Variants in FAM53A observed in about 807,000 individuals in gnomAD.
FAM53A encodes family with sequence similarity 53 member A.
FAM53A carries 28 observed loss-of-function variants against 26.6 expected under a neutral mutation model. The observed-to-expected ratio is 1.05, with a 90% CI of 0.78 to 1.45. FAM53A has a LOEUF of 1.45. Ranked by LOEUF, FAM53A falls within the 40% of genes most tolerant of loss-of-function variation. The pLI is 0.00. For missense variants in FAM53A, 650 were observed against 575.8 expected (o/e 1.13, Z -1.32); for synonymous variants, 290 against 253.1 (o/e 1.15, Z -1.38).
intron 4 of FAM53A, among the ~76,000 whole-genome samples, chr4:1,649,343 A>G (rs775164355): frequency 1.3e-5 from 2 of 152,244 alleles, no homozygotes; most frequent in African/African-American, 2.4e-5. Flanking sequence ...ACCAAAGTCC[A>G]GCACAAGGGG....
the FAM53A span, among the ~76,000 whole-genome samples, chr4:1,579,593 T>C: frequency 2.0e-5 from 3 of 152,184 alleles, no homozygotes; most frequent in East Asian, 1.9e-4. Context: ...CCGACCTCTC[T>C]GAGCCCCCGT....
intron 1 of FAM53A, among the ~76,000 whole-genome samples, chr4:1,632,506 T>C (rs1715654806): frequency 6.6e-6 from 1 of 151,984 alleles, no homozygotes; most frequent in Non-Finnish European, 1.5e-5. Flanking sequence ...GACCCACAGA[T>C]GACAAGAGAA....
At chr4:1,601,159 GC>G in the FAM53A span, among the ~76,000 whole-genome samples, 1 of 152,138 alleles carries the variant, frequency 6.6e-6, no homozygotes, top group East Asian at 1.9e-4. Context: ...GCTGAGTCAG[GC>G]CCCCACCTCA....
chr4:1,584,635 C>G, the FAM53A span, among the ~76,000 whole-genome samples: 272 of 152,326 alleles, frequency 1.8e-3, 2 homozygotes, highest in African/African-American at 6.2e-3. Flanking sequence ...ATTGGCCACT[C>G]CCGTGGCTGG....
At chr4:1,593,853 T>C in the FAM53A span, among the ~76,000 whole-genome samples, 1 of 152,186 alleles carries the variant, frequency 6.6e-6, no homozygotes, top group Non-Finnish European at 1.5e-5. Context: ...CAGTTTTTAC[T>C]GATCTTTTTA....
the FAM53A span, among the ~76,000 whole-genome samples, chr4:1,592,703 G>A: frequency 2.0e-5 from 3 of 152,308 alleles, no homozygotes; most frequent in Non-Finnish European, 4.4e-5. Context: ...TGGAAGGAAG[G>A]AGGTGATTGA....
the FAM53A span, among the ~76,000 whole-genome samples, chr4:1,586,542 G>A: frequency 3.4e-3 from 515 of 152,042 alleles, 2 homozygotes; most frequent in African/African-American, 0.012. Context: ...TTGGGGGTCC[G>A]AGGCGGGCGG....
chr4:1,630,359 G>A lies in FAM53A; in HGVS notation c.432-12248C>T, dbSNP rs959487252. Among the ~76,000 whole-genome samples, 26 of 152,214 alleles carry A rather than the reference G, an allele frequency of 1.7e-4. No homozygotes were observed. The highest frequency in any genetic ancestry group is 3.9e-4 in the Admixed American group (6 of 15,290). Reference sequence around the variant, plus strand: ...ACCACTCACCTCTGCCACTGCAGCCGAAACAGCCACAGCCAAGGTCTACAC... The same window carrying A: ...ACCACTCACCTCTGCCACTGCAGCCAAAACAGCCACAGCCAAGGTCTACAC... On this transcript the variant is annotated intron_variant, in intron 1 of 1. Transcript: ENST00000489029. This position sits in a 1 kb window ranked among gnomAD's most constrained non-coding sequence, Gnocchi z 4.3.
intron 4 of FAM53A, among the ~76,000 whole-genome samples, chr4:1,643,125 C>A (rs1183108957): frequency 6.6e-6 from 1 of 152,182 alleles, no homozygotes; most frequent in Non-Finnish European, 1.5e-5. Flanking sequence ...AAGCACATGG[C>A]CCTCGGGGAC....
downstream of FAM53A, among the ~76,000 whole-genome samples, chr4:1,613,596 C>T (rs1238454533): frequency 2.0e-5 from 3 of 152,196 alleles, no homozygotes; most frequent in East Asian, 1.9e-4. Flanking sequence ...TCCACACCGA[C>T]GTGCGTGGCT....
chr4:1,586,546 C>A, the FAM53A span, among the ~76,000 whole-genome samples: 1 of 151,770 alleles, frequency 6.6e-6, no homozygotes, highest in Non-Finnish European at 1.5e-5. Context: ...GGGTCCGAGG[C>A]GGGCGGATCA....
chr4:1,647,330 A>G (rs1712335742), intron 4 of FAM53A, among the ~76,000 whole-genome samples: 1 of 150,734 alleles, frequency 6.6e-6, no homozygotes, highest in Admixed American at 6.6e-5. Flanking sequence ...GCGAGACTCC[A>G]TCTCGGGAAA....
At chr4:1,624,786 T>A (rs1715206434) in intron 1 of FAM53A, among the ~76,000 whole-genome samples, 1 of 152,138 alleles carries the variant, frequency 6.6e-6, no homozygotes, top group Admixed American at 6.5e-5. Context: ...GCGGGCACAC[T>A]CCAGACTCCC....
At chr4:1,574,848 G>C in the FAM53A span, among the ~76,000 whole-genome samples, 1 of 152,246 alleles carries the variant, frequency 6.6e-6, no homozygotes, top group Non-Finnish European at 1.5e-5. Context: ...CAGGCTGCTG[G>C]GCCTCCCCGG....
intron 1 of FAM53A, among the ~76,000 whole-genome samples, chr4:1,671,228 C>T (rs1714628383): frequency 6.6e-6 from 1 of 151,696 alleles, no homozygotes; most frequent in Non-Finnish European, 1.5e-5. Context: ...GAGCCCCCAG[C>T]TCACAGCCAC....
the FAM53A span, among the ~76,000 whole-genome samples, chr4:1,579,009 C>T: frequency 4.6e-5 from 7 of 151,062 alleles, no homozygotes; most frequent in South Asian, 6.2e-4. Context: ...CTAGGCCCCC[C>T]ACCCCCGCAG....
chr4:1,592,281 G>T, the FAM53A span, among the ~76,000 whole-genome samples: 3 of 152,278 alleles, frequency 2.0e-5, no homozygotes, highest in Admixed American at 2.0e-4. Context: ...GGCTGTGCAC[G>T]GCGCGTACCA....
At chr4:1,624,205 G>A (rs377434307) in intron 1 of FAM53A, among the ~76,000 whole-genome samples, 1 of 152,236 alleles carries the variant, frequency 6.6e-6, no homozygotes, top group East Asian at 1.9e-4. Context: ...TCAGGTCCCT[G>A]GGCCTCATCT....
rs1038221396 is a variant in FAM53A at position 1,630,001 on chromosome 4, T to C, written c.432-11890A>G. ...CCCCTCTCCCAGACCTTCCCTTCTG[T>C]GCTCCCTTCCTCATCCTTCCCCATG... On this transcript the variant is annotated intron_variant, in intron 1 of 1. Coordinates refer to the FAM53A transcript ENST00000489029. This position sits in a 1 kb window ranked among gnomAD's most constrained non-coding sequence, Gnocchi z 4.3. Among the ~76,000 whole-genome samples, 1 of 152,274 alleles carries C rather than the reference T, an allele frequency of 6.6e-6. No homozygotes were observed. The highest frequency in any genetic ancestry group is 6.5e-5 in the Admixed American group (1 of 15,302).
Sources: gnomAD v4.1 joint callset for allele counts (sites outside exome capture counted in the v4.1 genomes callset) on GRCh38, gnomAD v4.1.1 for gene constraint, Gnocchi (gnomAD v3.1) non-coding constraint, MANE v1.5 for transcripts, NCBI Gene and HGNC (gene_info 2026-07-23, HGNC 2026-07-21) for gene names.